The following TATDN2 variants were observed in gnomAD, a reference collection of about 807,000 sequenced individuals.
TATDN2 encodes the protein 3'-5' RNA nuclease TATDN2.
TATDN2 carries 44 observed loss-of-function variants against 60.3 expected under a neutral mutation model. That is an observed-to-expected ratio of 0.73 (90% CI 0.57 to 0.94). The LOEUF (loss-of-function observed/expected upper bound fraction) is 0.94. Among genes scored for constraint, TATDN2 ranks in the 40% least tolerant of loss-of-function variants. The pLI, the probability that TATDN2 is intolerant of heterozygous loss-of-function variation, is 0.00. For missense variants in TATDN2, 997 were observed against 948.0 expected, an observed-to-expected ratio of 1.05 and a Z score of -0.68; for synonymous variants, 399 against 355.8, an observed-to-expected ratio of 1.12 and a Z score of -1.37.
Position 10,279,274 on chromosome 3 carries a change from C to T in TATDN2, c.*92C>T, listed in dbSNP as rs1354571004. ...CTGGCTTGAAGTCTGTGTCTCAGGTCGAGGATGTGTTTAGAGAGCTGATTG... is the reference window on the plus strand; with the variant it reads ...CTGGCTTGAAGTCTGTGTCTCAGGTTGAGGATGTGTTTAGAGAGCTGATTG... On this transcript the variant is annotated 3_prime_UTR_variant, in exon 8 of 8. Transcript: ENST00000448281. 7.0e-6 allele frequency: 3 copies of T among 426,792 alleles called. No individual in the cohort carries two copies. In the Admixed American group the frequency reaches 1.3e-4, roughly 18 times the overall value. 26.4% of individuals were successfully genotyped at this position (426,792 alleles called of 1,614,324 possible).
Position 10,270,556 on chromosome 3 carries a change from G to A in TATDN2, c.1374G>A (p.Glu458=). 6.2e-7 allele frequency: 1 copy of A among 1,614,230 alleles called. No homozygotes were observed. The highest frequency in any genetic ancestry group is 1.3e-5 in the African/African-American group (1 of 75,050). The change falls in exon 4 of 8, where the codon GAG becomes GAA. Residue 458 remains glutamate, a synonymous_variant. Transcript: ENST00000448281. ...TCTCCAGAAGCTCAGAAGAAAGAGA[G>A]GTGAAGGAGAAAAGAACATTCCAAG... ...FRFSRSSEER[E]VKEKRTFQEE... is the part of the protein sequence containing the mutation.
intron 3 of TATDN2, among the ~76,000 whole-genome samples, chr3:10,264,188 C>T (rs1194644116): frequency 6.6e-6 from 1 of 152,130 alleles, no homozygotes; most frequent in Non-Finnish European, 1.5e-5. Context: ...TTCACCCTGT[C>T]CTCCTCCTTT....
At chr3:10,257,712 G>A (rs1698331158) in intron 2 of TATDN2, among the ~76,000 whole-genome samples, 1 of 151,188 alleles carries the variant, frequency 6.6e-6, no homozygotes, top group African/African-American at 2.4e-5. Context: ...TAAGTCCACA[G>A]AGGTTCAAAA....
intron 4 of TATDN2, among the ~76,000 whole-genome samples, chr3:10,273,710 T>C (rs529832579): frequency 1.8e-4 from 27 of 152,190 alleles, no homozygotes; most frequent in Non-Finnish European, 3.4e-4. Context: ...TCTGGAAGGA[T>C]TGGAAAATAG....
Position 10,249,239 on chromosome 3 carries a change from C to G in TATDN2, c.39C>G (p.Ser13Arg). Reference sequence around the variant, plus strand: ...GGGGCAAGGTCAAGCACAACTGGAGCAGCACGTCGGAAGGGTGTCCCCGCA... The same window carrying G: ...GGGGCAAGGTCAAGCACAACTGGAGGAGCACGTCGGAAGGGTGTCCCCGCA... ...SERGKVKHNW[S>R]STSEGCPRKR... The change falls in exon 2 of 8, where the codon AGC becomes AGG. Residue 13 changes from serine to arginine, a missense_variant. Transcript: ENST00000448281. 6.4e-7 allele frequency: 1 copy of G among 1,553,788 alleles called. No individual in the cohort carries two copies. Among genetic ancestry groups the G allele is most frequent in the Non-Finnish European group, 8.7e-7 (1 of 1,148,006 alleles).
intron 5 of TATDN2, among the ~76,000 whole-genome samples, chr3:10,277,151 A>G (rs1698651413): frequency 6.6e-6 from 1 of 152,166 alleles, no homozygotes; most frequent in Admixed American, 6.5e-5. Context: ...AGAGCATCTT[A>G]GGGTACTTGA....
At chr3:10,274,991 T>TAA (rs1299000929) in intron 4 of TATDN2, among the ~76,000 whole-genome samples, 1 of 146,708 alleles carries the variant, frequency 6.8e-6, no homozygotes, top group Non-Finnish European at 1.5e-5. Flanking sequence ...ATGAATTAAT[T>TAA]TTTTTTTTTT....
chr3:10,255,488 A>C (rs1045354208), intron 2 of TATDN2, among the ~76,000 whole-genome samples: 1 of 152,100 alleles, frequency 6.6e-6, no homozygotes, highest in African/African-American at 2.4e-5. Context: ...TCTGTATGAA[A>C]ATATAAGGTA....
chr3:10,267,508 T>G (rs769844843), intron 3 of TATDN2, among the ~76,000 whole-genome samples: 1 of 152,230 alleles, frequency 6.6e-6, no homozygotes, highest in Non-Finnish European at 1.5e-5. Context: ...GAGAACTGTA[T>G]GTGGCAATTT....
chr3:10,261,832 G>T (rs1292064006), intron 3 of TATDN2, among the ~76,000 whole-genome samples: 1 of 152,176 alleles, frequency 6.6e-6, no homozygotes, highest in Non-Finnish European at 1.5e-5. Context: ...TTGCTTGGGC[G>T]ATGAGAATTT....
chr3:10,278,278 G>C lies in TATDN2; in HGVS notation c.1962-1G>C, dbSNP rs1280263782. The C allele has an allele frequency of 2.5e-6, 4 of 1,613,144 alleles. No homozygotes were observed. The South Asian group carries it at 4.4e-5, about 18-fold the overall frequency. On this transcript the variant is annotated splice_acceptor_variant, in intron 5 of 7. Coordinates refer to ENST00000448281, the MANE Select transcript of TATDN2 (RefSeq NM_014760.4). LOFTEE classifies it high-confidence loss of function. The surrounding 1 kb of genome is among the most constrained non-coding windows in gnomAD (Gnocchi z 4.7). ...GCCCTGATGTGGAGTTCTGTCTCCA[G>C]GCATTGCTTCACCGGCAGCTACCCG...
intron 2 of TATDN2, among the ~76,000 whole-genome samples, chr3:10,256,689 G>C (rs758908174): frequency 4.6e-5 from 7 of 152,056 alleles, no homozygotes; most frequent in Non-Finnish European, 1.0e-4. Flanking sequence ...GTCTGAGGGT[G>C]CAGATACTCC....
chr3:10,259,902 G>T (rs1467088983), intron 2 of TATDN2, among the ~76,000 whole-genome samples: 1 of 152,086 alleles, frequency 6.6e-6, no homozygotes, highest in Non-Finnish European at 1.5e-5. Context: ...AGCTCCTTCC[G>T]TCCCCTTGCA....
rs113332923 is a variant in TATDN2 at position 10,276,635 on chromosome 3, C to G, written c.1961+147C>G. ...ACGGAATCTCACCCTGTCGCCCAGG[C>G]TGGAGTGTAGTAGTGCAATTTCAGC... is the stretch of plus-strand genomic sequence containing the variant. On this transcript the variant is annotated intron_variant, in intron 5 of 7. Coordinates refer to ENST00000448281, the MANE Select transcript of TATDN2 (RefSeq NM_014760.4). 2.2e-4 allele frequency: 265 copies of G among 1,216,352 alleles called. 3 individuals carry two copies. In the African/African-American group the frequency reaches 3.6e-3, roughly 16 times the overall value. 75.3% of individuals were successfully genotyped at this position (1,216,352 alleles called of 1,614,324 possible).
chr3:10,257,861 TTTTTTTTTTTTTTTTG>T (rs1170617840), intron 2 of TATDN2, among the ~76,000 whole-genome samples: 42 of 95,864 alleles, frequency 4.4e-4, no homozygotes, highest in East Asian at 3.2e-3. Flanking sequence ...TTTTTTTTTT[TTTTTTTTTTTTTTTTG>T]GGAGATGGAG....
chr3:10,280,174 G>C lies in TATDN2; in HGVS notation c.*992G>C, dbSNP rs1576020817. ...AGCGTAATTCTCCGAAGCTCTGCTGGGCAGCTCAGCCATGTTACATTGTCT... is the reference window on the plus strand; with the variant it reads ...AGCGTAATTCTCCGAAGCTCTGCTGCGCAGCTCAGCCATGTTACATTGTCT... On this transcript the variant is annotated 3_prime_UTR_variant, in exon 8 of 8. Coordinates refer to ENST00000448281, the MANE Select transcript of TATDN2 (RefSeq NM_014760.4). 1 of 153,866 alleles carries C rather than the reference G, an allele frequency of 6.5e-6. No homozygotes were observed. Among genetic ancestry groups the C allele is most frequent in the East Asian group, 1.9e-4 (1 of 5,186 alleles). The allele number at this position is 153,866 out of a possible 1,614,324, so 9.5% of individuals were successfully genotyped here.
chr3:10,276,327 A>T, intron 4 of TATDN2, 34 bp from the exon 5 acceptor site: 1 of 1,610,570 alleles, frequency 6.2e-7, no homozygotes, highest in South Asian at 1.1e-5. Context: ...AAGTGCTGCT[A>T]ACCAACAGGG....
intron 3 of TATDN2, among the ~76,000 whole-genome samples, chr3:10,264,432 G>C (rs1387284436): frequency 6.6e-6 from 1 of 152,018 alleles, no homozygotes; most frequent in Non-Finnish European, 1.5e-5. Context: ...TTTGTTTTTT[G>C]TTTGGTTTTT....
intron 2 of TATDN2, among the ~76,000 whole-genome samples, chr3:10,251,247 G>A (rs1241799210): frequency 6.6e-6 from 1 of 152,164 alleles, no homozygotes; most frequent in African/African-American, 2.4e-5. Context: ...CCACAATGTG[G>A]TATGATGGAG....
Sources: gnomAD v4.1 joint callset for allele counts (sites outside exome capture counted in the v4.1 genomes callset) on GRCh38, gnomAD v4.1.1 for gene constraint, Gnocchi (gnomAD v3.1) non-coding constraint, MANE v1.5 for transcripts, NCBI Gene and HGNC (gene_info 2026-07-23, HGNC 2026-07-21) for gene names.